Variants in NAALADL2 observed in about 807,000 individuals in gnomAD.
NAALADL2 encodes the protein inactive N-acetylated-alpha-linked acidic dipeptidase-like protein 2.
NAALADL2 carries 76 observed loss-of-function variants against 87.2 expected under a neutral mutation model. The ratio of observed to expected loss-of-function variants is 0.87; its 90% confidence interval spans 0.72 to 1.05. The LOEUF (loss-of-function observed/expected upper bound fraction) is 1.05, where lower values mean the gene tolerates loss of function less well. Ranked by LOEUF, NAALADL2 falls within the 50% of genes least tolerant of loss-of-function variation. NAALADL2 has a pLI of 0.00. For missense variants in NAALADL2, 1,089 were observed against 945.8 expected, an observed-to-expected ratio of 1.15 and a Z score of -1.99; for synonymous variants, 354 against 331.0, an observed-to-expected ratio of 1.07 and a Z score of -0.75.
At chr3:175,434,545 G>A (rs74633943) in intron 5 of NAALADL2, among the ~76,000 whole-genome samples, 6,403 of 152,036 alleles carry the variant, frequency 0.042, 333 homozygotes, top group East Asian at 0.14. Flanking sequence ...TGGAAATAAA[G>A]TACTGAGCTT....
chr3:175,565,944 C>T (rs1209094547), intron 9 of NAALADL2, among the ~76,000 whole-genome samples: 1 of 150,260 alleles, frequency 6.7e-6, no homozygotes, highest in African/African-American at 2.4e-5. Flanking sequence ...ATTCTCCTAT[C>T]TCAGCCTCCC....
intron 2 of NAALADL2, among the ~76,000 whole-genome samples, chr3:174,681,707 C>T (rs1560140652): frequency 6.6e-6 from 1 of 152,174 alleles, no homozygotes; most frequent in Admixed American, 6.5e-5. Flanking sequence ...CAGGTGTGAC[C>T]TACAACTTTT....
chr3:174,834,725 A>C (rs947905213), intron 3 of NAALADL2, among the ~76,000 whole-genome samples: 1 of 151,936 alleles, frequency 6.6e-6, no homozygotes, highest in Non-Finnish European at 1.5e-5. Flanking sequence ...ATGCTTTAAG[A>C]CAAATTTAAG....
chr3:175,589,029 G>T (rs962393429), intron 10 of NAALADL2, among the ~76,000 whole-genome samples: 2 of 152,162 alleles, frequency 1.3e-5, no homozygotes, highest in Non-Finnish European at 2.9e-5. Flanking sequence ...TTTAGGCAAA[G>T]AAACATATTT....
intron 2 of NAALADL2, among the ~76,000 whole-genome samples, chr3:175,211,233 A>C (rs993571511): frequency 2.6e-5 from 4 of 151,896 alleles, no homozygotes; most frequent in Non-Finnish European, 4.4e-5. Flanking sequence ...ACACCAAATA[A>C]ATATAGATAC....
At chr3:175,230,707 C>G (rs745960118) in intron 2 of NAALADL2, among the ~76,000 whole-genome samples, 1 of 152,034 alleles carries the variant, frequency 6.6e-6, no homozygotes, top group Non-Finnish European at 1.5e-5. Flanking sequence ...TTACTTTACA[C>G]TCACTACATT....
At chr3:174,463,393 C>A (rs530700472) in intron 1 of NAALADL2, among the ~76,000 whole-genome samples, 12 of 152,178 alleles carry the variant, frequency 7.9e-5, no homozygotes, top group African/African-American at 2.6e-4. Context: ...TATAGTCAAG[C>A]TTCACAAGAA....
chr3:174,663,438 C>T (rs1174316491), intron 2 of NAALADL2, among the ~76,000 whole-genome samples: 1 of 152,092 alleles, frequency 6.6e-6, no homozygotes, highest in Non-Finnish European at 1.5e-5. Flanking sequence ...AGAAGTATGG[C>T]AGTGCTATCT....
intron 2 of NAALADL2, among the ~76,000 whole-genome samples, chr3:174,685,634 CT>C (rs1450567922): frequency 6.6e-6 from 1 of 151,944 alleles, no homozygotes; most frequent in African/African-American, 2.4e-5. Flanking sequence ...AAGTCATTGG[CT>C]TTTTGGCCTG....
chr3:175,755,421 AG>A lies in NAALADL2; in HGVS notation c.2189+5del. On this transcript the variant is annotated splice_donor_region_variant and intron_variant, in intron 13 of 13. Coordinates refer to ENST00000454872, the MANE Select transcript of NAALADL2 (RefSeq NM_207015.3). ...CAGGCACCACCAGGTTTTTATAGGTAGGATGCATGTCTCAAAAATTATACTT... is the reference window on the plus strand; with the variant it reads ...CAGGCACCACCAGGTTTTTATAGGTAGATGCATGTCTCAAAAATTATACTT... 6.3e-7 allele frequency: 1 copy of A among 1,575,684 alleles called. No individual in the cohort carries two copies. Among genetic ancestry groups the A allele is most frequent in the South Asian group, 1.2e-5 (1 of 86,130 alleles).
chr3:174,607,099 T>C (rs1426189159), intron 2 of NAALADL2, among the ~76,000 whole-genome samples: 3 of 152,052 alleles, frequency 2.0e-5, no homozygotes, highest in Non-Finnish European at 4.4e-5. Context: ...TAAAATCCTT[T>C]ACAGACAAGC....
chr3:174,879,553 A>T (rs1043644533), intron 1 of NAALADL2, among the ~76,000 whole-genome samples: 3 of 152,056 alleles, frequency 2.0e-5, no homozygotes, highest in Non-Finnish European at 2.9e-5. Flanking sequence ...TTTTCATATG[A>T]TGTTTTGATT....
chr3:175,600,493 A>G (rs1047813253), intron 10 of NAALADL2, among the ~76,000 whole-genome samples: 20 of 77,508 alleles, frequency 2.6e-4, no homozygotes, highest in African/African-American at 8.6e-4. Context: ...TCTGTACTTC[A>G]TTTGCCTTTT....
At chr3:174,808,740 A>C (rs576742118) in intron 3 of NAALADL2, among the ~76,000 whole-genome samples, 1 of 152,202 alleles carries the variant, frequency 6.6e-6, no homozygotes, top group East Asian at 1.9e-4. Context: ...AATTTGCTTT[A>C]TATAAACCTT....
chr3:174,960,213 C>A (rs1189137792), intron 1 of NAALADL2, among the ~76,000 whole-genome samples: 2 of 152,174 alleles, frequency 1.3e-5, no homozygotes, highest in Non-Finnish European at 2.9e-5. Context: ...CTATTCCAGT[C>A]ATCATCATCC....
At chr3:175,338,408 A>G (rs1443409918) in intron 5 of NAALADL2, among the ~76,000 whole-genome samples, 1 of 151,832 alleles carries the variant, frequency 6.6e-6, no homozygotes, top group Non-Finnish European at 1.5e-5. Flanking sequence ...GCGGTATAAA[A>G]AGGCCAAGAT....
chr3:175,701,976 G>A (rs1000522087), intron 11 of NAALADL2, among the ~76,000 whole-genome samples: 3 of 152,060 alleles, frequency 2.0e-5, no homozygotes, highest in Non-Finnish European at 4.4e-5. Flanking sequence ...TTAATTTCCT[G>A]AATAATGAAC....
At position 174,733,466 on chromosome 3, in the gene NAALADL2, T is replaced by C. The variant is rs1732898637; in HGVS notation, c.-114-4175T>C. Among the ~76,000 whole-genome samples, 3 of 152,262 alleles carry C rather than the reference T, an allele frequency of 2.0e-5. No homozygotes were observed. In the South Asian group the frequency reaches 6.2e-4, roughly 31 times the overall value. ...TTTGATTTTTAATCACATGCATGGA[T>C]GCAGATGGCAATATGCCATTTTAAT... On this transcript the variant is annotated intron_variant, in intron 2 of 3. Transcript: ENST00000434257.
At chr3:175,068,656 G>T (rs1384358375) in intron 1 of NAALADL2, among the ~76,000 whole-genome samples, 1 of 152,058 alleles carries the variant, frequency 6.6e-6, no homozygotes, top group African/African-American at 2.4e-5. Context: ...GAAAAATTTA[G>T]CATCAAAGAT....
Sources: allele counts gnomAD v4.1 joint callset (sites outside exome capture counted in the v4.1 genomes callset), GRCh38; gene constraint gnomAD v4.1.1; transcripts MANE v1.5; gene names NCBI Gene and HGNC (gene_info 2026-07-23, HGNC 2026-07-21).